NFASC: variants seen among roughly 807,000 people sequenced by gnomAD.
NFASC encodes the protein neurofascin homolog.
Under a neutral mutation model 147.5 loss-of-function variants are expected in NFASC, and 43 were observed. The ratio of observed to expected loss-of-function variants is 0.29; its 90% CI spans 0.23 to 0.38. The LOEUF (loss-of-function observed/expected upper bound fraction) is 0.38, where lower values mean the gene tolerates loss of function less well. Among genes scored for constraint, NFASC ranks in the 10% least tolerant of loss-of-function variants. The pLI is 1.00. For missense variants in NFASC, 1,320 were observed against 1,689.0 expected (o/e 0.78, Z 3.83); for synonymous variants, 622 against 665.5 (o/e 0.93, Z 1.01).
intron 1 of NFASC, among the ~76,000 whole-genome samples, chr1:204,880,062 T>C (rs568020688): frequency 6.6e-6 from 1 of 152,322 alleles, no homozygotes; most frequent in South Asian, 2.1e-4. Context: ...GCCAGAACAT[T>C]GACTCAGCTA....
intron 1 of NFASC, among the ~76,000 whole-genome samples, chr1:204,862,063 A>G (rs1338740890): frequency 6.6e-6 from 1 of 152,156 alleles, no homozygotes; most frequent in East Asian, 1.9e-4. Context: ...TGGGCTGCAT[A>G]TTTGTTCCTA....
At chr1:204,906,187 T>G (rs2085814273) in intron 1 of NFASC, among the ~76,000 whole-genome samples, 1 of 152,170 alleles carries the variant, frequency 6.6e-6, no homozygotes, top group African/African-American at 2.4e-5. Context: ...TCTTAAGGCT[T>G]TTTTCTTCCA....
intron 19 of NFASC, among the ~76,000 whole-genome samples, chr1:204,980,052 G>A (rs2095481872): frequency 6.6e-6 from 1 of 152,156 alleles, no homozygotes; most frequent in Non-Finnish European, 1.5e-5. Context: ...CACATTTAGT[G>A]GATAATCCAC....
chr1:204,937,829 G>A (rs1371424588), intron 2 of NFASC, among the ~76,000 whole-genome samples: 1 of 152,176 alleles, frequency 6.6e-6, no homozygotes, highest in Non-Finnish European at 1.5e-5. Context: ...TATATTTACT[G>A]TCCTCCCTGC....
chr1:204,939,646 C>T (rs116071727), intron 2 of NFASC, among the ~76,000 whole-genome samples: 3,602 of 152,354 alleles, frequency 0.024, 71 homozygotes, highest in Non-Finnish European at 0.034. Flanking sequence ...AAGCAGTCAC[C>T]TCTGGTGTGG....
intron 1 of NFASC, among the ~76,000 whole-genome samples, chr1:204,872,209 G>A (rs943115338): frequency 7.2e-5 from 11 of 152,164 alleles, no homozygotes; most frequent in Non-Finnish European, 1.5e-4. Flanking sequence ...GGAGCATTGC[G>A]GAGTGCTCCC....
chr1:204,981,718 C>A, intron 20 of NFASC, 80 bp from the exon 21 acceptor site: 1 of 911,720 alleles, frequency 1.1e-6, no homozygotes, highest in Non-Finnish European at 1.6e-6. Context: ...GGATGCCTGG[C>A]ACAGCAAGAG....
intron 8 of NFASC, among the ~76,000 whole-genome samples, chr1:204,960,368 T>C (rs997321523): frequency 6.6e-6 from 1 of 152,222 alleles, no homozygotes; most frequent in Non-Finnish European, 1.5e-5. Context: ...GCTACAGAGC[T>C]GGGCCCGTCC....
At chr1:204,929,808 G>A (rs1042978236) in intron 2 of NFASC, among the ~76,000 whole-genome samples, 5 of 152,136 alleles carry the variant, frequency 3.3e-5, no homozygotes, top group African/African-American at 9.7e-5. Context: ...CACTTGCTTG[G>A]TGTTCTGTCT....
intron 1 of NFASC, among the ~76,000 whole-genome samples, chr1:204,863,841 CTG>C (rs1286943992): frequency 8.8e-6 from 1 of 113,418 alleles, no homozygotes; most frequent in East Asian, 3.0e-4. Context: ...AAGCAAGACT[CTG>C]TCTCAAAAAA....
At chr1:204,859,864 C>T (rs958597802) in intron 1 of NFASC, among the ~76,000 whole-genome samples, 6 of 152,078 alleles carry the variant, frequency 3.9e-5, no homozygotes, top group Admixed American at 3.3e-4. Context: ...GAAAACATAC[C>T]CCTAAGCTGG....
chr1:204,916,922 A>G (rs1269147884), intron 1 of NFASC, among the ~76,000 whole-genome samples: 8 of 152,026 alleles, frequency 5.3e-5, no homozygotes, highest in Non-Finnish European at 1.2e-4. Context: ...TGGGGATAAT[A>G]ATATCTATAT....
intron 3 of NFASC, chr1:204,947,261 G>A (rs938347303): frequency 3.2e-5 from 6 of 186,264 alleles, no homozygotes; most frequent in South Asian, 1.0e-4. Flanking sequence ...AGAGGCCCCC[G>A]GCTGCCCTGG....
rs758820976 is a variant in NFASC at position 204,957,653 on chromosome 1, T to A, written c.536-3T>A. ...CTGCTGCCGTACCTCTGCTTTCTTA[T>A]AGCCATGGAGCCCATCACCCAAGAC... On this transcript the variant is annotated splice_polypyrimidine_tract_variant and splice_region_variant and intron_variant, in intron 7 of 29. Transcript: ENST00000339876. The A allele has an allele frequency of 1.1e-5, 17 of 1,613,728 alleles. No homozygotes were observed. The South Asian group carries it at 1.8e-4, about 17-fold the overall frequency.
chr1:204,940,606 G>A (rs2093295942), intron 2 of NFASC, among the ~76,000 whole-genome samples: 1 of 152,040 alleles, frequency 6.6e-6, no homozygotes, highest in Non-Finnish European at 1.5e-5. Flanking sequence ...CTTCCCCTCT[G>A]CCTCTGGTCA....
rs1017893953 is a variant in NFASC, at chr1:204,829,335, T to C, written c.-200+553T>C. The stretch of plus-strand genomic sequence containing the variant: ...CAGCCCCTTCCCAGCTGCCTCTTGG[T>C]GTCCTCCTGCATCACAGTCCCTCTC... On this transcript the variant is annotated intron_variant, in intron 1 of 29. Coordinates refer to ENST00000339876, the MANE Select transcript of NFASC (RefSeq NM_001005388.3). Among the ~76,000 whole-genome samples the C allele has an allele frequency of 5.3e-5, 8 of 151,498 alleles. No homozygotes were observed. The East Asian group carries it at 1.6e-3, about 29-fold the overall frequency.
At chr1:204,892,029 G>A (rs924026146) in intron 1 of NFASC, among the ~76,000 whole-genome samples, 1 of 152,238 alleles carries the variant, frequency 6.6e-6, no homozygotes, top group Admixed American at 6.5e-5. Flanking sequence ...CATCAGGAAT[G>A]TGCCTTGTAT....
At chr1:204,901,714 T>C (rs2084642268) in intron 1 of NFASC, among the ~76,000 whole-genome samples, 1 of 151,944 alleles carries the variant, frequency 6.6e-6, no homozygotes, top group South Asian at 2.1e-4. Context: ...CAAGGGAGGC[T>C]CCTCAGGTTG....
At chr1:204,865,677 A>G (rs1052831817) in intron 1 of NFASC, among the ~76,000 whole-genome samples, 1 of 152,232 alleles carries the variant, frequency 6.6e-6, no homozygotes, top group African/African-American at 2.4e-5. Flanking sequence ...TGATTACCAT[A>G]GCTTTGTAGT....
Sources: allele counts gnomAD v4.1 joint callset (sites outside exome capture counted in the v4.1 genomes callset), GRCh38; gene constraint gnomAD v4.1.1; transcripts MANE v1.5; gene names NCBI Gene and HGNC (gene_info 2026-07-23, HGNC 2026-07-21).